Variants in HK1 observed in about 807,000 individuals in gnomAD.
The protein encoded by HK1 is hexokinase 1, also known as hexokinase-1.
HK1 carries 28 observed loss-of-function variants against 91.6 expected under a neutral mutation model. The observed-to-expected ratio is 0.31, with a 90% confidence interval of 0.23 to 0.42. The LOEUF is 0.42. HK1 is among the 10% of genes least tolerant of loss of function. HK1 has a pLI of 1.00. For synonymous variants in HK1, 430 were observed against 468.1 expected, an observed-to-expected ratio of 0.92 and a Z score of 1.05; for missense variants, 770 against 1,219.8, an observed-to-expected ratio of 0.63 and a Z score of 5.49.
Position 69,379,961 on chromosome 10 carries a change from T to C in HK1, c.1131T>C (p.Ile377=). ...TCTCAGTCCAGCACGTTTGCACCAT[T>C]GTCTCATTTCGCTCAGCCAACTTGG... ...DCVSVQHVCT[I]VSFRSANLVA... is the part of the protein sequence containing the mutation. Residue 377 remains isoleucine (I), a synonymous_variant, in exon 9 of 18, where the codon ATT becomes ATC. Transcript: ENST00000359426. 6.2e-7 allele frequency: 1 copy of C among 1,614,190 alleles called. No individual in the cohort carries two copies. The highest frequency in any genetic ancestry group is 8.5e-7 in the Non-Finnish European group (1 of 1,180,034).
intron 4 of HK1, among the ~76,000 whole-genome samples, chr10:69,296,888 G>A (rs1845589818): frequency 6.6e-6 from 1 of 152,166 alleles, no homozygotes; most frequent in South Asian, 2.1e-4. Context: ...GCTTGAGCTG[G>A]AGGAAGCCTT....
At chr10:69,298,789 A>C (rs563064743) in intron 4 of HK1, among the ~76,000 whole-genome samples, 1 of 152,030 alleles carries the variant, frequency 6.6e-6, no homozygotes, top group South Asian at 2.1e-4. Context: ...AGTCAGTCAA[A>C]AAATTAAAAA....
intron 3 of HK1, among the ~76,000 whole-genome samples, chr10:69,295,011 CAGAGAGAGAGAG>C (rs3086615): frequency 1.6e-5 from 2 of 125,124 alleles, no homozygotes; most frequent in East Asian, 2.3e-4. Context: ...GCCTGGGCAA[CAGAGAGAGAGAG>C]AGAGAGAGAG....
intron 10 of HK1, 91 bp from the exon 11 acceptor site, chr10:69,384,242 T>C: frequency 6.8e-7 from 1 of 1,469,590 alleles, no homozygotes; most frequent in Admixed American, 1.7e-5. Context: ...GCTATGGGGT[T>C]CTCCCCTTGA....
At chr10:69,341,353 G>A (rs1342930668) in intron 1 of HK1, among the ~76,000 whole-genome samples, 2 of 151,318 alleles carry the variant, frequency 1.3e-5, no homozygotes, top group Admixed American at 6.6e-5. Flanking sequence ...TAGAGACGAG[G>A]TTTTGCCAAG....
chr10:69,364,823 A>G lies in HK1; in HGVS notation c.416A>G (p.Glu139Gly). The G allele has an allele frequency of 6.2e-7, 1 of 1,614,084 alleles. No homozygotes were observed. Among genetic ancestry groups the G allele is most frequent in the Non-Finnish European group, 8.5e-7 (1 of 1,179,996 alleles). ...GCTGAGTGCCTGGGAGATTTCATGG[A>G]GAAAAGGAAGATCAAGGACAAGAAG... ...HVAECLGDFM[E>G]KRKIKDKKLP... is the part of the protein sequence containing the mutation. The change falls in exon 4 of 18, where the codon GAG becomes GGG. Residue 139 changes from glutamate to glycine, a missense_variant. Transcript: ENST00000359426.
rs547497581 is a variant in HK1 at position 69,293,851 on chromosome 10, CTTTCTTTTTTTTTTTTT to C, written c.-114-1778_-114-1762del. On this transcript the variant is annotated intron_variant, in intron 3 of 21. Transcript: ENST00000360289. ...CAAGCCCCGAAGCACAAGCATATTT[CTTTCTTTTTTTTTTTTT>C]TTTTTTTTTTTGAGACAGAGTCTCC... Among the ~76,000 whole-genome samples, 107 of 127,780 alleles carry C rather than the reference CTTTCTTTTTTTTTTTTT, an allele frequency of 8.4e-4. 2 individuals carry two copies. In the South Asian group the frequency reaches 0.025, roughly 30 times the overall value. The allele number at this position is 127,780 out of a possible 152,430, so 83.8% of individuals were successfully genotyped here.
chr10:69,291,823 A>C (rs963663440), intron 3 of HK1, among the ~76,000 whole-genome samples: 3 of 152,194 alleles, frequency 2.0e-5, no homozygotes, highest in African/African-American at 4.8e-5. Flanking sequence ...GTTTCCTGAC[A>C]ATTCCAAGCC....
At chr10:69,305,695 A>G (rs1846070129) in intron 5 of HK1, among the ~76,000 whole-genome samples, 1 of 151,988 alleles carries the variant, frequency 6.6e-6, no homozygotes, top group African/African-American at 2.4e-5. Flanking sequence ...TCTATTAAAA[A>G]TACAAAAAAT....
intron 1 of HK1, among the ~76,000 whole-genome samples, chr10:69,273,032 C>CTTT (rs745403867): frequency 4.6e-5 from 6 of 130,620 alleles, no homozygotes; most frequent in African/African-American, 8.7e-5. Flanking sequence ...TCTTTTTTAC[C>CTTT]TTTTTTTTTT....
At chr10:69,375,608 A>T (rs773241862) in intron 7 of HK1, among the ~76,000 whole-genome samples, 3 of 152,192 alleles carry the variant, frequency 2.0e-5, no homozygotes, top group Non-Finnish European at 4.4e-5. Flanking sequence ...TCTCGGCAGC[A>T]TCCTTGGCTT....
At chr10:69,312,547 C>CT (rs78282542), upstream of HK1, among the ~76,000 whole-genome samples, 1,016 of 146,962 alleles carry the variant, frequency 6.9e-3, 5 homozygotes, top group African/African-American at 0.016. Context: ...CCATATAGCC[C>CT]TTTTTTTTTT....
At chr10:69,362,957 A>T (rs10733851) in intron 3 of HK1, among the ~76,000 whole-genome samples, 70,874 of 152,048 alleles carry the variant, frequency 0.47, 17,776 homozygotes, top group African/African-American at 0.64. Flanking sequence ...CAGGCGTTCT[A>T]TTACTCTGGC....
At chr10:69,287,403 G>A (rs1195879834) in intron 2 of HK1, among the ~76,000 whole-genome samples, 1 of 152,208 alleles carries the variant, frequency 6.6e-6, no homozygotes, top group Non-Finnish European at 1.5e-5. Flanking sequence ...CTTGACATGT[G>A]GGGATTATGG....
At chr10:69,283,798 C>CAAAAAAAAAAAAA (rs571297748) in intron 2 of HK1, among the ~76,000 whole-genome samples, 10 of 67,394 alleles carry the variant, frequency 1.5e-4, no homozygotes, top group Admixed American at 3.5e-4. Context: ...GACTCTGTCT[C>CAAAAAAAAAAAAA]AAAAAAAAAA....
intron 13 of HK1, 78 bp from the exon 14 acceptor site, chr10:69,389,119 T>C (rs1839779781): frequency 1.8e-6 from 2 of 1,083,256 alleles, no homozygotes; most frequent in African/African-American, 3.1e-5. Flanking sequence ...CTGACTGCAG[T>C]GCAACAGACA....
chr10:69,271,030 C>T (rs1589422840), intron 1 of HK1: 1 of 152,300 alleles, frequency 6.6e-6, no homozygotes, highest in South Asian at 2.1e-4. Flanking sequence ...AATGATGATT[C>T]AATGAATGCC....
chr10:69,272,786 T>A (rs1192665087), intron 1 of HK1, among the ~76,000 whole-genome samples: 1 of 151,952 alleles, frequency 6.6e-6, no homozygotes, highest in Non-Finnish European at 1.5e-5. Flanking sequence ...TTTCTTTTTT[T>A]AAATTTATCT....
Position 69,382,042 on chromosome 10 carries a change from T to C in HK1, c.1266-445T>C, listed in dbSNP as rs149156359. On this transcript the variant is annotated intron_variant, in intron 9 of 17. Transcript: ENST00000359426. ...TTCCTTTTTACCTCTCTGCATTTGC[T>C]AACTTTTCTACAGTGGATGTATATG... Among the ~76,000 whole-genome samples the C allele has an allele frequency of 3.3e-3, 504 of 152,398 alleles. 1 individual carries two copies. Among genetic ancestry groups the C allele is most frequent in the Middle Eastern group, 0.027 (8 of 294 alleles).
Sources: allele counts gnomAD v4.1 joint callset (sites outside exome capture counted in the v4.1 genomes callset), GRCh38; gene constraint gnomAD v4.1.1; transcripts MANE v1.5; gene names NCBI Gene and HGNC (gene_info 2026-07-23, HGNC 2026-07-21).